DNAH11: variants seen among roughly 807,000 people sequenced by gnomAD.
The protein encoded by DNAH11 is dynein axonemal heavy chain 11, also known as axonemal beta dynein heavy chain 11.
Under a neutral mutation model 526.0 loss-of-function variants are expected in DNAH11, and 442 were observed. The ratio of observed to expected loss-of-function variants is 0.84; its 90% confidence interval spans 0.78 to 0.91. The LOEUF is 0.91. Ranked by LOEUF, DNAH11 falls within the 40% of genes least tolerant of loss-of-function variation. DNAH11 has a pLI of 0.00. For missense variants in DNAH11, 6,989 were observed against 5,448.7 expected (o/e 1.28, Z -8.90); for synonymous variants, 2,461 against 1,935.9 (o/e 1.27, Z -7.12).
chr7:21,820,246 A>G (rs547482010), intron 65 of DNAH11, among the ~76,000 whole-genome samples: 14 of 152,288 alleles, frequency 9.2e-5, no homozygotes, highest in African/African-American at 3.4e-4. Flanking sequence ...TTAGTGTGAT[A>G]AGACACAGAC....
In DNAH11 at chr7:21,745,077, T is replaced by C; in HGVS notation, c.8510+14T>C. ...CATGCAACATGTGTGAGTTAACTAG[T>C]CACGATGCTTTTCCACAAAAGGAAG... On this transcript the variant is annotated intron_variant, in intron 51 of 81. Transcript: ENST00000409508. 1 of 1,593,338 alleles carries C rather than the reference T, an allele frequency of 6.3e-7. No individual in the cohort carries two copies. Among genetic ancestry groups the C allele is most frequent in the African/African-American group, 1.3e-5 (1 of 74,748 alleles).
rs189432084 is a variant in DNAH11, at chr7:21,658,835, A to G, written c.5132A>G (p.Gln1711Arg). ...CTTCTGCAACTTGAACAGACTATGC[A>G]AGAAACGGTGCGTCATTCTATAACA... Reference protein sequence around the residue: ...TWLLQLEQTMQETVRHSITEA... With the variant: ...TWLLQLEQTMRETVRHSITEA... Residue 1711 changes from glutamine (Q) to arginine (R), a missense_variant, in exon 30 of 82, where the codon CAA (glutamine) becomes CGA (arginine). By Grantham distance (43) the Gln-to-Arg change is conservative (BLOSUM62 1). Transcript: ENST00000409508. 718 of 1,600,310 alleles carry G rather than the reference A, an allele frequency of 4.5e-4. 3 individuals carry two copies. The Middle Eastern group carries it at 0.011, about 24-fold the overall frequency.
intron 29 of DNAH11, among the ~76,000 whole-genome samples, chr7:21,656,842 A>G (rs1424645819): frequency 1.3e-5 from 2 of 152,176 alleles, no homozygotes; most frequent in Non-Finnish European, 2.9e-5. Flanking sequence ...GGAGAAGCAG[A>G]TGGTGGAATA....
intron 65 of DNAH11, among the ~76,000 whole-genome samples, chr7:21,822,489 T>G (rs1790098058): frequency 2.0e-5 from 3 of 152,190 alleles, no homozygotes; most frequent in African/African-American, 7.2e-5. Flanking sequence ...AACATGAGAT[T>G]TGGAGAGGAC....
At chr7:21,737,392 C>A (rs778805196) in intron 46 of DNAH11, among the ~76,000 whole-genome samples, 3 of 152,080 alleles carry the variant, frequency 2.0e-5, no homozygotes, top group African/African-American at 7.2e-5. Flanking sequence ...GGGACAATCC[C>A]AGGCAACCAC....
intron 43 of DNAH11, among the ~76,000 whole-genome samples, chr7:21,719,384 G>A (rs183376268): frequency 1.3e-5 from 2 of 152,306 alleles, no homozygotes; most frequent in Non-Finnish European, 2.9e-5. Context: ...ATTAAAGTAC[G>A]TTAAATGCTG....
At chr7:21,569,399 A>G (rs769539095) in intron 6 of DNAH11, among the ~76,000 whole-genome samples, 3 of 152,192 alleles carry the variant, frequency 2.0e-5, no homozygotes, top group Non-Finnish European at 2.9e-5. Context: ...ACCAAATATG[A>G]AGAGAGAAGA....
chr7:21,548,721 C>T (rs888019354), intron 2 of DNAH11, among the ~76,000 whole-genome samples: 3 of 152,024 alleles, frequency 2.0e-5, no homozygotes, highest in East Asian at 3.9e-4. Flanking sequence ...CTGACTCACT[C>T]GTGATGTTTA....
At chr7:21,663,875 T>G (rs1173747902) in intron 30 of DNAH11, among the ~76,000 whole-genome samples, 1 of 152,056 alleles carries the variant, frequency 6.6e-6, no homozygotes, top group Non-Finnish European at 1.5e-5. Flanking sequence ...TTCATAATGC[T>G]GAATAATGCT....
chr7:21,780,036 T>C (rs78217152), intron 57 of DNAH11, among the ~76,000 whole-genome samples: 4 of 145,426 alleles, frequency 2.8e-5, no homozygotes, highest in African/African-American at 1.0e-4. Flanking sequence ...TTTTTTTTTT[T>C]CCAATGCATA....
At chr7:21,819,787 A>G (rs187379663) in intron 65 of DNAH11, among the ~76,000 whole-genome samples, 37 of 152,310 alleles carry the variant, frequency 2.4e-4, no homozygotes, top group African/African-American at 8.7e-4. Flanking sequence ...AGAGGTCTTC[A>G]ATTTTAGAAA....
rs768758217 is a variant in DNAH11 at position 21,749,786 on chromosome 7, G to T, written c.8782G>T (p.Asp2928Tyr). Residue 2928 changes from aspartate (D) to tyrosine (Y), a missense_variant, in exon 53 of 82, where the codon GAC becomes TAC. Physicochemically the swap from Asp to Tyr is radical, Grantham distance 160. Coordinates refer to ENST00000409508, the MANE Select transcript of DNAH11 (RefSeq NM_001277115.2). ...LDESFLVLIN[D>Y]LLASGEIPDL... ...TGAGAGCTTCCTCGTGCTGATTAATGACTTGCTGGCATCAGGTGATTAAAC... is the reference window on the plus strand; with the variant it reads ...TGAGAGCTTCCTCGTGCTGATTAATTACTTGCTGGCATCAGGTGATTAAAC... 21 of 1,613,752 alleles carry T rather than the reference G, an allele frequency of 1.3e-5. No homozygotes were observed. The highest frequency in any genetic ancestry group is 1.7e-5 in the Admixed American group (1 of 59,996).
In DNAH11 at chr7:21,596,057, T is replaced by C. The variant is rs1310709724; in HGVS notation, c.2668-3730T>C. On this transcript the variant is annotated intron_variant, in intron 14 of 81. Transcript: ENST00000409508. Reference sequence around the variant, plus strand: ...ATATGGAGAAGAAAATAAAAAGAAGTACATAATTAACATGGGTTTCAGTGT... The same window carrying C: ...ATATGGAGAAGAAAATAAAAAGAAGCACATAATTAACATGGGTTTCAGTGT... Among the ~76,000 whole-genome samples, 3 of 152,218 alleles carry C rather than the reference T, an allele frequency of 2.0e-5. No homozygotes were observed. The South Asian group carries it at 6.2e-4, about 32-fold the overall frequency.
intron 4 of DNAH11, among the ~76,000 whole-genome samples, chr7:21,560,401 C>T (rs926965660): frequency 1.3e-5 from 2 of 152,148 alleles, no homozygotes; most frequent in African/African-American, 4.8e-5. Context: ...AATAGGCTGT[C>T]TGTAGTTGAG....
At chr7:21,610,260 AC>A (rs1204983260) in intron 20 of DNAH11, among the ~76,000 whole-genome samples, 1 of 152,182 alleles carries the variant, frequency 6.6e-6, no homozygotes, top group African/African-American at 2.4e-5. Flanking sequence ...TCTCAAAAAA[AC>A]AAAAACAAAA....
In DNAH11 at chr7:21,655,989, T is replaced by C. The variant is rs779987165; in HGVS notation, c.5094+8T>C. ...TGTGAATGTGTGGGCCATGTAAGAT[T>C]TGATTATGAGGTTTTCTATGCTAGG... On this transcript the variant is annotated splice_region_variant and intron_variant, in intron 29 of 81. Coordinates refer to ENST00000409508, the MANE Select transcript of DNAH11 (RefSeq NM_001277115.2). The C allele has an allele frequency of 6.3e-7, 1 of 1,584,690 alleles. No homozygotes were observed. The highest frequency in any genetic ancestry group is 1.4e-5 in the African/African-American group (1 of 74,022).
intron 28 of DNAH11, among the ~76,000 whole-genome samples, chr7:21,655,055 T>C (rs1781954475): frequency 6.6e-6 from 1 of 151,962 alleles, no homozygotes; most frequent in African/African-American, 2.4e-5. Flanking sequence ...TGATCTTTGT[T>C]GTTGTTGGTT....
At chr7:21,694,857 A>G (rs1292392674) in intron 35 of DNAH11, among the ~76,000 whole-genome samples, 1 of 152,200 alleles carries the variant, frequency 6.6e-6, no homozygotes, top group Non-Finnish European at 1.5e-5. Context: ...TCTCGCCAGC[A>G]TCTGTTGTTT....
At chr7:21,786,293 C>A (rs1018075354) in intron 58 of DNAH11, among the ~76,000 whole-genome samples, 1 of 114,370 alleles carries the variant, frequency 8.7e-6, no homozygotes, top group African/African-American at 3.7e-5. Context: ...TATCTTACAA[C>A]ATATACACAT....
Sources: allele counts gnomAD v4.1 joint callset (sites outside exome capture counted in the v4.1 genomes callset), GRCh38; gene constraint gnomAD v4.1.1; transcripts MANE v1.5; gene names NCBI Gene and HGNC (gene_info 2026-07-23, HGNC 2026-07-21).